Variants in ALDH1L1 observed in about 807,000 individuals in gnomAD.
The protein encoded by ALDH1L1 is cytosolic 10-formyltetrahydrofolate dehydrogenase.
ALDH1L1 carries 68 observed loss-of-function variants against 101.1 expected under a neutral mutation model. The ratio of observed to expected loss-of-function variants is 0.67; its 90% confidence interval spans 0.55 to 0.82. The LOEUF is 0.82. ALDH1L1 is among the 40% of genes least tolerant of loss of function. The pLI, the probability that ALDH1L1 is intolerant of heterozygous loss-of-function variation, is 0.00. For missense variants in ALDH1L1, 1,087 were observed against 1,172.7 expected (o/e 0.93, Z 1.07); for synonymous variants, 486 against 470.8 (o/e 1.03, Z -0.42).
upstream of ALDH1L1, among the ~76,000 whole-genome samples, chr3:126,182,999 C>T (rs1486662292): frequency 6.6e-6 from 1 of 152,154 alleles, no homozygotes; most frequent in Non-Finnish European, 1.5e-5. Flanking sequence ...TGTCCAGCTT[C>T]TCCAGATGTC....
chr3:126,105,478 A>G, intron 22 of ALDH1L1: 1 of 527,352 alleles, frequency 1.9e-6, no homozygotes, highest in Non-Finnish European at 3.5e-6. Context: ...AGAGGCCCCC[A>G]GTGCCTCCTG....
At chr3:126,139,639 C>T (rs1584329) in intron 9 of ALDH1L1, among the ~76,000 whole-genome samples, 100,708 of 151,946 alleles carry the variant, frequency 0.66, 34,992 homozygotes, top group African/African-American at 0.89. Flanking sequence ...TTCAATGAGA[C>T]AAAGGAAATT....
At chr3:126,191,607 G>A (rs1193365402) in intron 1 of ALDH1L1, among the ~76,000 whole-genome samples, 1 of 152,224 alleles carries the variant, frequency 6.6e-6, no homozygotes, top group Non-Finnish European at 1.5e-5. Flanking sequence ...TTAAGGAAAA[G>A]CTTGGAACCC....
chr3:126,138,028 T>G (rs2080488101), intron 9 of ALDH1L1, 68 bp from the exon 10 acceptor site: 9 of 1,588,566 alleles, frequency 5.7e-6, no homozygotes, highest in Non-Finnish European at 6.0e-6. Flanking sequence ...CTAGCAGCAG[T>G]GGCAGTGGGG....
At chr3:126,110,195 A>T (rs548625315) in intron 19 of ALDH1L1, 86 bp from the exon 20 acceptor site, 52 of 1,541,218 alleles carry the variant, frequency 3.4e-5, no homozygotes, top group Middle Eastern at 3.4e-4. Flanking sequence ...CTCATGGCTG[A>T]CCCCTGGGGA....
At chr3:126,106,780 C>G (rs4646752) in intron 21 of ALDH1L1, among the ~76,000 whole-genome samples, 104,763 of 152,102 alleles carry the variant, frequency 0.69, 36,551 homozygotes, top group African/African-American at 0.78. Flanking sequence ...TAGACCGTGA[C>G]TAAAATAAAT....
At chr3:126,167,485 T>A (rs548499166) in intron 1 of ALDH1L1, among the ~76,000 whole-genome samples, 2 of 152,270 alleles carry the variant, frequency 1.3e-5, no homozygotes, top group East Asian at 3.9e-4. Flanking sequence ...GAATGCAAGC[T>A]AAGTAAGAAT....
At chr3:126,142,906 G>T (rs1321114095) in intron 9 of ALDH1L1, among the ~76,000 whole-genome samples, 1 of 152,184 alleles carries the variant, frequency 6.6e-6, no homozygotes, top group Non-Finnish European at 1.5e-5. Context: ...CACATATAGG[G>T]CTGAACCTTA....
chr3:126,122,758 T>C (rs191906250), intron 16 of ALDH1L1, among the ~76,000 whole-genome samples: 1 of 152,316 alleles, frequency 6.6e-6, no homozygotes, highest in African/African-American at 2.4e-5. Flanking sequence ...CTGAAGTTGA[T>C]TTTGATAAGT....
At chr3:126,190,324 G>T (rs1267864952) in intron 1 of ALDH1L1, among the ~76,000 whole-genome samples, 1 of 152,088 alleles carries the variant, frequency 6.6e-6, no homozygotes, top group Non-Finnish European at 1.5e-5. Context: ...TCAAACATTG[G>T]CTATCAACTC....
chr3:126,180,302 G>C, intron 1 of ALDH1L1, 174 bp downstream of exon 1: 1 of 304,028 alleles, frequency 3.3e-6, no homozygotes, highest in African/African-American at 2.3e-5. Flanking sequence ...AAAGAACTCC[G>C]GACCCGTACC....
upstream of ALDH1L1, among the ~76,000 whole-genome samples, chr3:126,182,251 A>T (rs1469059791): frequency 2.0e-5 from 3 of 152,234 alleles, no homozygotes; most frequent in Non-Finnish European, 4.4e-5. Context: ...GGTTCAAGCG[A>T]TTCTCCTGCC....
chr3:126,153,294 T>C (rs2080841377), intron 7 of ALDH1L1, 150 bp downstream of exon 7: 1 of 1,241,836 alleles, frequency 8.1e-7, no homozygotes, highest in Non-Finnish European at 1.1e-6. Context: ...AGCCGGGTGG[T>C]CAGGGACAAA....
At chr3:126,194,447 T>C (rs2081570533) in intron 1 of ALDH1L1, among the ~76,000 whole-genome samples, 1 of 152,192 alleles carries the variant, frequency 6.6e-6, no homozygotes, top group Non-Finnish European at 1.5e-5. Flanking sequence ...TCAAATATGT[T>C]AAAGGTTTAA....
chr3:126,126,303 G>A (rs1426549750), intron 14 of ALDH1L1, among the ~76,000 whole-genome samples: 3 of 152,286 alleles, frequency 2.0e-5, no homozygotes, highest in East Asian at 1.9e-4. Context: ...TGGGGAGGCC[G>A]CAGAGTCCCA....
intron 19 of ALDH1L1, among the ~76,000 whole-genome samples, chr3:126,111,092 T>C (rs986468165): frequency 2.0e-5 from 3 of 152,238 alleles, no homozygotes; most frequent in African/African-American, 7.2e-5. Context: ...GTCTGTATCC[T>C]GGTCCTGCTA....
At position 126,107,166 on chromosome 3, in the gene ALDH1L1, TGACAG is replaced by T. The variant is rs758891196; in HGVS notation, c.2423_2427del (p.Pro808HisfsTer8). The T allele has an allele frequency of 6.2e-7, 1 of 1,614,146 alleles. No homozygotes were observed. Among genetic ancestry groups the T allele is most frequent in the South Asian group, 1.1e-5 (1 of 91,080 alleles). On this transcript the variant is annotated frameshift_variant, in exon 21 of 23. Transcript: ENST00000393434. LOFTEE classifies it high-confidence loss of function. Reference sequence around the variant, plus strand: ...CCATCAGCAAACCGAGAGATGATCATGACAGGCCCGAAGGACTCCTCCTTGGCTAT... The same window carrying T: ...CCATCAGCAAACCGAGAGATGATCATGCCCGAAGGACTCCTCCTTGGCTAT...
At chr3:126,114,361 T>C (rs1946169550) in intron 18 of ALDH1L1, among the ~76,000 whole-genome samples, 196 bp downstream of exon 18, 1 of 152,210 alleles carries the variant, frequency 6.6e-6, no homozygotes, top group African/African-American at 2.4e-5. Context: ...ATGAAACTTC[T>C]TGGGAAGTAT....
intron 1 of ALDH1L1, among the ~76,000 whole-genome samples, chr3:126,188,451 A>C (rs901635544): frequency 6.6e-6 from 1 of 152,262 alleles, no homozygotes; most frequent in Non-Finnish European, 1.5e-5. Flanking sequence ...CTCCTAAGTT[A>C]GTTACATTTA....
Sources: gnomAD v4.1 joint callset for allele counts (sites outside exome capture counted in the v4.1 genomes callset) on GRCh38, gnomAD v4.1.1 for gene constraint, MANE v1.5 for transcripts, NCBI Gene and HGNC (gene_info 2026-07-23, HGNC 2026-07-21) for gene names.